The following PTP4A1 variants were observed in gnomAD, a reference collection of about 807,000 sequenced individuals.
PTP4A1 encodes protein tyrosine phosphatase type IVA 1.
PTP4A1 carries 9 observed loss-of-function variants against 20.5 expected under a neutral mutation model. The observed-to-expected ratio is 0.44, with a 90% CI of 0.26 to 0.77. The LOEUF (loss-of-function observed/expected upper bound fraction) is 0.77, where lower values mean the gene tolerates loss of function less well. Ranked by LOEUF, PTP4A1 falls within the 30% of genes least tolerant of loss-of-function variation. The probability of loss-of-function intolerance (pLI) is 0.19; values close to 1 mark genes in which losing one functional copy is unlikely to be tolerated. For missense variants in PTP4A1, 137 were observed against 218.8 expected (o/e 0.63, Z 2.36); for synonymous variants, 78 against 67.4 (o/e 1.16, Z -0.77).
Position 63,576,505 on chromosome 6 carries a change from CAGCACGACCTCTATGCAGACA to C in PTP4A1, c.-373_-353del. 2.5e-6 allele frequency: 1 copy of C among 404,344 alleles called. No individual in the cohort carries two copies. 25.0% of individuals were successfully genotyped at this position (404,344 alleles called of 1,614,324 possible). ...GGGCAGTGGAGATTACTGCCAGGCACAGCACGACCTCTATGCAGACAAGTGAACTGTAGAAACTGATTACTG... is the reference window on the plus strand; with the variant it reads ...GGGCAGTGGAGATTACTGCCAGGCACAGTGAACTGTAGAAACTGATTACTG... On this transcript the variant is annotated 5_prime_UTR_variant, in exon 2 of 6. It removes an upstream start codon present in the reference 5' UTR. Transcript: ENST00000626021.
At chr6:63,574,290 C>G (rs1777702631) in intron 1 of PTP4A1, among the ~76,000 whole-genome samples, 1 of 152,180 alleles carries the variant, frequency 6.6e-6, no homozygotes, top group African/African-American at 2.4e-5. Flanking sequence ...ATGATTTAAG[C>G]TTCTGCACAG....
chr6:63,577,838 A>G (rs1777967357), intron 2 of PTP4A1, among the ~76,000 whole-genome samples: 1 of 149,780 alleles, frequency 6.7e-6, no homozygotes, highest in African/African-American at 2.4e-5. Context: ...TTTAATTTTT[A>G]TTACTATATA....
At chr6:63,572,374 C>T (rs886977536), upstream of PTP4A1, 9 of 313,448 alleles carry the variant, frequency 2.9e-5, no homozygotes, top group Middle Eastern at 8.6e-4. Flanking sequence ...GGGCGGGCCT[C>T]CGCCCCCGCC....
At chr6:63,537,788 G>A (rs1026808292) in intron 2 of PTP4A1, among the ~76,000 whole-genome samples, 1 of 152,194 alleles carries the variant, frequency 6.6e-6, no homozygotes, top group African/African-American at 2.4e-5. Flanking sequence ...TGGCAAGGGG[G>A]AAGGAGGGTG....
chr6:63,547,498 ATTTTTTTT>A (rs752223359), intron 2 of PTP4A1, among the ~76,000 whole-genome samples: 1 of 90,790 alleles, frequency 1.1e-5, no homozygotes, highest in African/African-American at 4.2e-5. Flanking sequence ...CCAGGGGGGA[ATTTTTTTT>A]TTTTTTTTTT....
upstream of PTP4A1, among the ~76,000 whole-genome samples, chr6:63,569,530 C>G (rs1391078355): frequency 6.6e-6 from 1 of 152,228 alleles, no homozygotes; most frequent in African/African-American, 2.4e-5. Context: ...TCCCAAAGTA[C>G]TGGGATTACA....
chr6:63,519,585 C>T (rs1774849633), upstream of PTP4A1, among the ~76,000 whole-genome samples: 1 of 152,162 alleles, frequency 6.6e-6, no homozygotes, highest in Non-Finnish European at 1.5e-5. Flanking sequence ...GTTCCATATA[C>T]TTGGCACAAG....
chr6:63,579,818 T>C lies in PTP4A1; in HGVS notation c.405-239T>C, dbSNP rs140273617. ...GTCTTTTCGTGGACTTACGTGTAAA[T>C]GGATTTGTGAGTCGACTGTTGTAAC... is the stretch of plus-strand genomic sequence containing the variant. On this transcript the variant is annotated intron_variant, in intron 5 of 5. Coordinates refer to ENST00000626021, the MANE Select transcript of PTP4A1 (RefSeq NM_003463.5). 7.3e-3 allele frequency among the ~76,000 whole-genome samples: 1,117 copies of C among 152,294 alleles called. 15 individuals carry two copies. Among genetic ancestry groups the C allele is most frequent in the African/African-American group, 0.025 (1,030 of 41,556 alleles).
intron 3 of PTP4A1, among the ~76,000 whole-genome samples, chr6:63,558,783 A>C (rs570085057): frequency 3.9e-5 from 6 of 152,220 alleles, no homozygotes; most frequent in Admixed American, 2.0e-4. Context: ...TTAAAATACC[A>C]ACACCTATAG....
At chr6:63,558,168 C>T (rs1027396648) in intron 3 of PTP4A1, among the ~76,000 whole-genome samples, 3 of 152,036 alleles carry the variant, frequency 2.0e-5, no homozygotes, top group African/African-American at 7.2e-5. Context: ...CCGTGCCCGG[C>T]CACATATGCA....
At chr6:63,535,417 G>A (rs568538961) in intron 2 of PTP4A1, among the ~76,000 whole-genome samples, 4 of 151,714 alleles carry the variant, frequency 2.6e-5, no homozygotes, top group African/African-American at 7.3e-5. Flanking sequence ...GCAGTGACCC[G>A]AGATTGCACC....
Position 63,582,687 on chromosome 6 carries a change from A to G in PTP4A1, c.*2513A>G, listed in dbSNP as rs1475533472. 6.6e-6 allele frequency: 1 copy of G among 152,226 alleles called. No homozygotes were observed. Among genetic ancestry groups the G allele is most frequent in the Non-Finnish European group, 1.5e-5 (1 of 68,042 alleles). 9.4% of individuals were successfully genotyped at this position (152,226 alleles called of 1,614,324 possible). On this transcript the variant is annotated 3_prime_UTR_variant, in exon 6 of 6. Coordinates refer to ENST00000626021, the MANE Select transcript of PTP4A1 (RefSeq NM_003463.5). ...CCTAGGCTTGTCTATAGCAACCATAATGTTGATGTAAGTAATGCGGTTACT... is the reference window on the plus strand; with the variant it reads ...CCTAGGCTTGTCTATAGCAACCATAGTGTTGATGTAAGTAATGCGGTTACT...
In PTP4A1 at chr6:63,578,946, G is replaced by T; in HGVS notation, c.247G>T (p.Asp83Tyr). 2 of 1,603,358 alleles carry T rather than the reference G, an allele frequency of 1.2e-6. No homozygotes were observed. Among genetic ancestry groups the T allele is most frequent in the South Asian group, 2.2e-5 (2 of 88,890 alleles). ...GAPPSNQIVD[D>Y]WLSLVKIKFR... ...ACCACCATCCAACCAGATTGTTGATGACTGGTTAAGTCTTGTGAAAATTAA... is the reference window on the plus strand; with the variant it reads ...ACCACCATCCAACCAGATTGTTGATTACTGGTTAAGTCTTGTGAAAATTAA... The change falls in exon 4 of 6, where the codon GAC becomes TAC. Residue 83 changes from aspartate (D) to tyrosine (Y), a missense_variant. Coordinates refer to ENST00000626021, the MANE Select transcript of PTP4A1 (RefSeq NM_003463.5).
chr6:63,548,093 T>A (rs1270548447), intron 2 of PTP4A1, among the ~76,000 whole-genome samples: 2 of 152,168 alleles, frequency 1.3e-5, no homozygotes, highest in Non-Finnish European at 2.9e-5. Context: ...ACAACTCAGC[T>A]CCGAGGTCAT....
chr6:63,556,497 C>T (rs575424431), intron 3 of PTP4A1, among the ~76,000 whole-genome samples: 17 of 152,212 alleles, frequency 1.1e-4, no homozygotes, highest in African/African-American at 4.1e-4. Flanking sequence ...AACAACTTAA[C>T]GATATTATGG....
intron 2 of PTP4A1, among the ~76,000 whole-genome samples, chr6:63,533,160 T>A (rs1018863323): frequency 6.6e-6 from 1 of 152,182 alleles, no homozygotes; most frequent in Non-Finnish European, 1.5e-5. Context: ...GGCAGGTGGG[T>A]CACTTGAGGT....
intron 1 of PTP4A1, among the ~76,000 whole-genome samples, chr6:63,522,439 C>T (rs1774969648): frequency 6.6e-6 from 1 of 152,164 alleles, no homozygotes; most frequent in Non-Finnish European, 1.5e-5. Context: ...ACCCTAGTTA[C>T]AATTCAGGTG....
chr6:63,534,452 A>AACACACACACACACAC (rs61533550), intron 2 of PTP4A1, among the ~76,000 whole-genome samples: 1 of 144,416 alleles, frequency 6.9e-6, no homozygotes, highest in African/African-American at 2.6e-5. Context: ...CACACAGAGA[A>AACACACACACACACAC]ACACACACAC....
chr6:63,519,183 T>C (rs1774834477), upstream of PTP4A1, among the ~76,000 whole-genome samples: 1 of 152,064 alleles, frequency 6.6e-6, no homozygotes, highest in Non-Finnish European at 1.5e-5. Flanking sequence ...GGTGGGTGCC[T>C]GTAATCCCAG....
Sources: gnomAD v4.1 joint callset for allele counts (sites outside exome capture counted in the v4.1 genomes callset) on GRCh38, gnomAD v4.1.1 for gene constraint, MANE v1.5 for transcripts, NCBI Gene and HGNC (gene_info 2026-07-23, HGNC 2026-07-21) for gene names.